The following CSMD1 variants were observed in gnomAD, a reference collection of about 807,000 sequenced individuals.
CSMD1 encodes the protein CUB and sushi domain-containing protein 1.
A neutral mutation model predicts 417.5 loss-of-function variants in CSMD1; 213 were observed. That is an observed-to-expected ratio of 0.51 (90% confidence interval 0.46 to 0.57). The LOEUF is 0.57. Ranked by LOEUF, CSMD1 falls within the 20% of genes least tolerant of loss-of-function variation. CSMD1 has a pLI of 0.00. For missense variants in CSMD1, 6,923 were observed against 4,529.7 expected, an observed-to-expected ratio of 1.53 and a Z score of -15.17; for synonymous variants, 2,862 against 1,736.8, an observed-to-expected ratio of 1.65 and a Z score of -16.11.
At chr8:4,330,669 G>C (rs1466383849) in intron 3 of CSMD1, among the ~76,000 whole-genome samples, 1 of 151,684 alleles carries the variant, frequency 6.6e-6, no homozygotes, top group Non-Finnish European at 1.5e-5. Flanking sequence ...ATGCCTTTAA[G>C]TTTTACACTC....
Position 3,387,419 on chromosome 8 carries a change from A to G in CSMD1, c.2782+75T>C, listed in dbSNP as rs946232184. The G allele has an allele frequency of 3.9e-6, 5 of 1,291,738 alleles. No individual in the cohort carries two copies. The African/African-American group carries it at 4.4e-5, about 11-fold the overall frequency. The allele number at this position is 1,291,738 out of a possible 1,614,324, so 80.0% of individuals were successfully genotyped here. On this transcript the variant is annotated intron_variant, in intron 18 of 69. Transcript: ENST00000635120. ...AGGTACCACCCCCTGAAATACACAC[A>G]CCACCCAGCTAGTTAGACGTGTGCG...
At chr8:4,733,856 A>G (rs1241867905) in intron 1 of CSMD1, among the ~76,000 whole-genome samples, 4 of 152,202 alleles carry the variant, frequency 2.6e-5, no homozygotes, top group African/African-American at 4.8e-5. Flanking sequence ...CAAGAAGTCA[A>G]TTTATTTCTA....
intron 8 of CSMD1, among the ~76,000 whole-genome samples, chr8:3,596,891 G>C (rs545939842): frequency 1.2e-4 from 19 of 152,188 alleles, no homozygotes; most frequent in Non-Finnish European, 2.6e-4. Context: ...ACAGAAGTTG[G>C]CACAATGCAA....
intron 5 of CSMD1, among the ~76,000 whole-genome samples, chr8:3,979,387 T>C (rs1813685502): frequency 6.6e-6 from 1 of 152,156 alleles, no homozygotes; most frequent in Non-Finnish European, 1.5e-5. Flanking sequence ...GGAGGAGACA[T>C]CAGCGCAGCT....
chr8:4,199,178 C>T (rs982093401), intron 3 of CSMD1, among the ~76,000 whole-genome samples: 4 of 151,928 alleles, frequency 2.6e-5, no homozygotes, highest in African/African-American at 9.7e-5. Flanking sequence ...TGGGGATGAT[C>T]CTACTTTCAG....
intron 4 of CSMD1, among the ~76,000 whole-genome samples, chr8:4,004,547 T>TA (rs1017806252): frequency 8.5e-5 from 13 of 152,122 alleles, no homozygotes; most frequent in Non-Finnish European, 1.5e-4. Flanking sequence ...GTAGTATTTT[T>TA]AGCAACCTAA....
intron 1 of CSMD1, among the ~76,000 whole-genome samples, chr8:4,933,277 A>T (rs561697435): frequency 1.8e-4 from 27 of 152,320 alleles, no homozygotes; most frequent in Middle Eastern, 3.4e-3. Flanking sequence ...AGCAACAGCA[A>T]CATTCTCTCA....
At chr8:4,676,765 C>G (rs1359203212) in intron 1 of CSMD1, among the ~76,000 whole-genome samples, 4 of 151,930 alleles carry the variant, frequency 2.6e-5, no homozygotes, top group Non-Finnish European at 5.9e-5. Flanking sequence ...TCTTAGCCCA[C>G]CAAAGCTTTT....
chr8:3,141,693 C>T (rs1043972668), intron 41 of CSMD1, among the ~76,000 whole-genome samples: 3 of 152,110 alleles, frequency 2.0e-5, no homozygotes, highest in African/African-American at 7.2e-5. Flanking sequence ...CCATCGCACT[C>T]GGGAACAGCA....
intron 3 of CSMD1, among the ~76,000 whole-genome samples, chr8:4,330,100 C>T (rs1433335668): frequency 6.6e-6 from 1 of 151,608 alleles, no homozygotes; most frequent in Non-Finnish European, 1.5e-5. Flanking sequence ...AAGAACAGTC[C>T]AATATAGTCA....
intron 10 of CSMD1, among the ~76,000 whole-genome samples, chr8:3,534,011 C>A (rs137868370): frequency 6.6e-6 from 1 of 152,030 alleles, no homozygotes; most frequent in African/African-American, 2.4e-5. Context: ...TCTACTTTTG[C>A]GGAAGAAGAA....
intron 35 of CSMD1, 39 bp from the exon 36 acceptor site, chr8:3,188,004 C>T (rs774782160): frequency 1.5e-5 from 23 of 1,554,494 alleles, no homozygotes; most frequent in Non-Finnish European, 1.2e-5. Flanking sequence ...TTATTTTTGG[C>T]TTAACACAAT....
At chr8:4,461,291 T>C (rs150397603) in intron 2 of CSMD1, among the ~76,000 whole-genome samples, 73 of 152,178 alleles carry the variant, frequency 4.8e-4, no homozygotes, top group African/African-American at 1.6e-3. Context: ...TAATGAAATA[T>C]TGAACATTTT....
At chr8:4,834,390 A>G (rs1439793496) in intron 1 of CSMD1, among the ~76,000 whole-genome samples, 1 of 152,216 alleles carries the variant, frequency 6.6e-6, no homozygotes, top group African/African-American at 2.4e-5. Context: ...GATATAAGCA[A>G]TATAGCTCTA....
chr8:3,989,162 C>T lies in CSMD1; in HGVS notation c.818+8741G>A, dbSNP rs140890168. On this transcript the variant is annotated intron_variant, in intron 5 of 69. Coordinates refer to ENST00000635120, the MANE Select transcript of CSMD1 (RefSeq NM_033225.6). ...GGCATTTTGCTAAGGGTTTTCCAAG[C>T]GTCTGCTCATTTGCTCTAGTTAGCA... Among the ~76,000 whole-genome samples the T allele has an allele frequency of 2.2e-3, 328 of 152,250 alleles. 3 individuals carry two copies. The highest frequency in any genetic ancestry group is 2.5e-3 in the South Asian group (12 of 4,830).
intron 5 of CSMD1, among the ~76,000 whole-genome samples, chr8:3,856,975 A>AT (rs79880566): frequency 0.025 from 3,772 of 152,108 alleles, 264 homozygotes; most frequent in East Asian, 0.15. Context: ...AGAATTTGGA[A>AT]TTTTTTTTAT....
chr8:4,753,590 T>C (rs982042005), intron 1 of CSMD1, among the ~76,000 whole-genome samples: 1 of 152,192 alleles, frequency 6.6e-6, no homozygotes, highest in African/African-American at 2.4e-5. Flanking sequence ...TTGGCACCCA[T>C]GAACCTGACA....
At chr8:3,744,597 G>T (rs1796976398) in intron 6 of CSMD1, among the ~76,000 whole-genome samples, 1 of 152,044 alleles carries the variant, frequency 6.6e-6, no homozygotes, top group Admixed American at 6.5e-5. Context: ...GATGACTGTG[G>T]TGGACAGCTT....
chr8:3,428,657 A>G (rs1292160078), intron 12 of CSMD1, among the ~76,000 whole-genome samples: 3 of 152,266 alleles, frequency 2.0e-5, no homozygotes, highest in African/African-American at 7.2e-5. Context: ...GCTTTCTTAT[A>G]AAAGTAAAAA....
Sources: gnomAD v4.1 joint callset for allele counts (sites outside exome capture counted in the v4.1 genomes callset) on GRCh38, gnomAD v4.1.1 for gene constraint, MANE v1.5 for transcripts, NCBI Gene and HGNC (gene_info 2026-07-23, HGNC 2026-07-21) for gene names.